Variants in LSM14B observed in about 807,000 individuals in gnomAD.
The protein encoded by LSM14B is protein LSM14 homolog B.
A neutral mutation model predicts 42.1 loss-of-function variants in LSM14B; 8 were observed. The observed-to-expected ratio is 0.19, with a 90% confidence interval of 0.11 to 0.34. The LOEUF (loss-of-function observed/expected upper bound fraction) is 0.34. Ranked by LOEUF, LSM14B falls within the 10% of genes least tolerant of loss-of-function variation. The pLI, the probability that LSM14B is intolerant of heterozygous loss-of-function variation, is 1.00. For missense variants in LSM14B, 396 were observed against 513.1 expected, an observed-to-expected ratio of 0.77 and a Z score of 2.21; for synonymous variants, 219 against 209.7, an observed-to-expected ratio of 1.04 and a Z score of -0.38.
chr20:62,126,459 C>A lies in LSM14B; in HGVS notation c.427+20C>A, dbSNP rs759522303. 5 of 1,603,644 alleles carry A rather than the reference C, an allele frequency of 3.1e-6. No individual in the cohort carries two copies. Among genetic ancestry groups the A allele is most frequent in the Non-Finnish European group, 3.4e-6 (4 of 1,178,828 alleles). ...GTCTAGGTGAGTGACCTGTTTCTGT[C>A]TGGTAAACTACCCTTGCGTGTAACT... On this transcript the variant is annotated intron_variant, in intron 3 of 8. Coordinates refer to ENST00000279068, the MANE Select transcript of LSM14B (RefSeq NM_144703.3).
At position 62,129,861 on chromosome 20, in the gene LSM14B, C is replaced by T. The variant is rs1363149131; in HGVS notation, c.504C>T (p.Asn168=). Residue 168 remains asparagine, a synonymous_variant, in exon 4 of 9, where the codon AAC becomes AAT. Transcript: ENST00000279068. ...EQAVQTGSAD[N]LNAKKLLPGK... Reference sequence around the variant, plus strand: ...CTGTGCAGACTGGTTCTGCTGACAACCTGAATGCTAAAAAGCTGTTACCTG... The same window carrying T: ...CTGTGCAGACTGGTTCTGCTGACAATCTGAATGCTAAAAAGCTGTTACCTG... 1 of 1,612,686 alleles carries T rather than the reference C, an allele frequency of 6.2e-7. No individual in the cohort carries two copies. Among genetic ancestry groups the T allele is most frequent in the Non-Finnish European group, 8.5e-7 (1 of 1,179,490 alleles).
chr20:62,126,112 C>T lies in LSM14B; in HGVS notation c.292-192C>T, dbSNP rs538390525. 105 of 710,172 alleles carry T rather than the reference C, an allele frequency of 1.5e-4. 2 individuals carry two copies. In the South Asian group the frequency reaches 1.7e-3, roughly 12 times the overall value. 44.0% of individuals were successfully genotyped at this position (710,172 alleles called of 1,614,324 possible). ...AAAGGAATTACATGGACAGGTGAAA[C>T]TGGAACTGAAATGCTGTGGAAAAGG... On this transcript the variant is annotated intron_variant, in intron 2 of 8. Coordinates refer to ENST00000279068, the MANE Select transcript of LSM14B (RefSeq NM_144703.3).
At chr20:62,124,857 C>A in intron 2 of LSM14B, 77 bp downstream of exon 2, 2 of 1,421,484 alleles carry the variant, frequency 1.4e-6, no homozygotes, top group Middle Eastern at 2.0e-4. Context: ...CATGTTTGGT[C>A]AGAACGCTCA....
rs765609102 is a variant in LSM14B, at chr20:62,131,519, A to G, written c.986+13A>G. 4.3e-6 allele frequency: 7 copies of G among 1,611,590 alleles called. No individual in the cohort carries two copies. In the South Asian group the frequency reaches 7.7e-5, roughly 18 times the overall value. The stretch of plus-strand genomic sequence containing the variant: ...AACTCAAGACCAGGTGAGAGGCTGA[A>G]TGAATGAGGGGAGGACAGTCCTCCA... On this transcript the variant is annotated intron_variant, in intron 7 of 8. Transcript: ENST00000279068.
rs755093024 is a variant in LSM14B at position 62,130,699 on chromosome 20, T to C, written c.835+8T>C. On this transcript the variant is annotated splice_region_variant and intron_variant, in intron 6 of 8. Coordinates refer to ENST00000279068, the MANE Select transcript of LSM14B (RefSeq NM_144703.3). The surrounding 1 kb of genome is among the most constrained non-coding windows in gnomAD (Gnocchi z 4.1). ...AGAAACTGAATTTTAAAGGTTTGGC[T>C]CATTATATGAAAATTATTCTCTGCA... 1.2e-6 allele frequency: 2 copies of C among 1,612,284 alleles called. No homozygotes were observed. The highest frequency in any genetic ancestry group is 8.5e-7 in the Non-Finnish European group (1 of 1,179,590).
intron 3 of LSM14B, among the ~76,000 whole-genome samples, chr20:62,128,568 G>A (rs1201686082): frequency 1.3e-5 from 2 of 152,154 alleles, no homozygotes; most frequent in Non-Finnish European, 2.9e-5. Flanking sequence ...CTGCTCATAG[G>A]GCAAGACTTT....
At chr20:62,133,945 C>T (rs1046930805) in intron 8 of LSM14B, among the ~76,000 whole-genome samples, 1 of 152,238 alleles carries the variant, frequency 6.6e-6, no homozygotes, top group Non-Finnish European at 1.5e-5. Context: ...TCGGGACAGC[C>T]AGGTGGGCCC....
At chr20:62,128,526 C>A (rs188879745) in intron 3 of LSM14B, among the ~76,000 whole-genome samples, 3 of 152,132 alleles carry the variant, frequency 2.0e-5, no homozygotes, top group African/African-American at 7.2e-5. Context: ...GACACAGATA[C>A]TTCTATTGCT....
At chr20:62,133,000 G>A (rs576350442) in intron 7 of LSM14B, among the ~76,000 whole-genome samples, 1 of 152,316 alleles carries the variant, frequency 6.6e-6, no homozygotes, top group African/African-American at 2.4e-5. Context: ...TGCCCAGCGA[G>A]CAACAGCGGC....
At position 62,130,248 on chromosome 20, in the gene LSM14B, CAAGGGCA is replaced by C; in HGVS notation, c.626_632del (p.Gln209ArgfsTer2). On this transcript the variant is annotated frameshift_variant, in exon 5 of 9. Transcript: ENST00000279068. LOFTEE classifies it high-confidence loss of function. The surrounding 1 kb of genome is among the most constrained non-coding windows in gnomAD (Gnocchi z 4.1). ...AGTCCAGCCGGCAGCTGTGCAAGCT[CAAGGGCA>C]GGTGAATGACGAGAACAGAAGACCT... 6.2e-7 allele frequency: 1 copy of C among 1,605,286 alleles called. No individual in the cohort carries two copies. Among genetic ancestry groups the C allele is most frequent in the Non-Finnish European group, 8.5e-7 (1 of 1,175,912 alleles).
At chr20:62,124,880 A>AC in intron 2 of LSM14B, 100 bp downstream of exon 2, 1 of 1,126,910 alleles carries the variant, frequency 8.9e-7, no homozygotes, top group Non-Finnish European at 1.2e-6. Context: ...GTGAGGAATA[A>AC]CCTTTTTTTT....
intron 2 of LSM14B, 90 bp from the exon 3 acceptor site, chr20:62,126,214 C>T (rs1231911991): frequency 6.3e-7 from 1 of 1,591,224 alleles, no homozygotes; most frequent in Admixed American, 1.7e-5. Flanking sequence ...TGGGACGGTG[C>T]TTGTTTCCCA....
rs533232148 is a variant in LSM14B at position 62,130,795 on chromosome 20, G to C, written c.835+104G>C. 4.0e-6 allele frequency: 5 copies of C among 1,238,088 alleles called. No individual in the cohort carries two copies. In the African/African-American group the frequency reaches 6.0e-5, roughly 15 times the overall value. The allele number at this position is 1,238,088 out of a possible 1,614,324, so 76.7% of individuals were successfully genotyped here. A position where few individuals can be genotyped will look rare whatever the true frequency, so the allele number is the denominator to read the frequency against. On this transcript the variant is annotated intron_variant, in intron 6 of 8. Transcript: ENST00000279068. The surrounding 1 kb of genome is among the most constrained non-coding windows in gnomAD (Gnocchi z 4.1). ...GTGGTGGTTCACGCCTGTAATCTCA[G>C]CACTTTGGGAGGCTGAGGTGGGTGG...
intron 7 of LSM14B, among the ~76,000 whole-genome samples, 161 bp from the exon 8 acceptor site, chr20:62,133,129 T>C (rs1027021915): frequency 1.3e-5 from 2 of 152,180 alleles, no homozygotes; most frequent in African/African-American, 4.8e-5. Context: ...AGGGAGCACC[T>C]GCAGTGCCGG....
chr20:62,123,258 G>A (rs911260682), intron 1 of LSM14B: 2 of 152,576 alleles, frequency 1.3e-5, no homozygotes, highest in Non-Finnish European at 2.9e-5. Flanking sequence ...GGCGTCTCCC[G>A]AAGGCTGGGG....
chr20:62,128,763 C>T (rs1342177386), intron 3 of LSM14B, among the ~76,000 whole-genome samples: 2 of 152,156 alleles, frequency 1.3e-5, no homozygotes, highest in East Asian at 1.9e-4. Context: ...TATGCAGAGT[C>T]GTTCCAACCT....
intron 3 of LSM14B, 28 bp downstream of exon 3, chr20:62,126,467 C>G (rs2056610694): frequency 1.2e-6 from 2 of 1,601,672 alleles, no homozygotes; most frequent in Non-Finnish European, 1.7e-6. Context: ...GTCTGGTAAA[C>G]TACCCTTGCG....
At chr20:62,124,587 C>A in intron 1 of LSM14B, 30 bp from the exon 2 acceptor site, 2 of 1,607,126 alleles carry the variant, frequency 1.2e-6, no homozygotes, top group Non-Finnish European at 1.7e-6. Context: ...CTGAGGACAA[C>A]AATAACGCTT....
At position 62,134,418 on chromosome 20, in the gene LSM14B, G is replaced by T; in HGVS notation, c.*270G>T. 2.8e-6 allele frequency: 1 copy of T among 359,628 alleles called. No individual in the cohort carries two copies. Among genetic ancestry groups the T allele is most frequent in the Non-Finnish European group, 5.7e-6 (1 of 175,900 alleles). The allele number at this position is 359,628 out of a possible 1,614,324, so 22.3% of individuals were successfully genotyped here. On this transcript the variant is annotated 3_prime_UTR_variant, in exon 9 of 9. Coordinates refer to ENST00000279068, the MANE Select transcript of LSM14B (RefSeq NM_144703.3). ...TAGTTGCGCATAGCCTAATTCTAAG[G>T]TTTTGGTATTTTGCAAAAAGGTTTC... is the stretch of plus-strand genomic sequence containing the variant.
Sources: allele counts gnomAD v4.1 joint callset (sites outside exome capture counted in the v4.1 genomes callset), GRCh38; gene constraint gnomAD v4.1.1; non-coding constraint Gnocchi (gnomAD v3.1); transcripts MANE v1.5; gene names NCBI Gene and HGNC (gene_info 2026-07-23, HGNC 2026-07-21).